Variants in ALPL observed in about 807,000 individuals in gnomAD.
ALPL encodes alkaline phosphatase, biomineralization associated, also known as alkaline phosphatase, tissue-nonspecific isozyme.
In ALPL, 42 loss-of-function variants were observed where a neutral mutation model predicts 51.3. The observed-to-expected ratio is 0.82, with a 90% CI of 0.64 to 1.06. The LOEUF (loss-of-function observed/expected upper bound fraction) is 1.06, where lower values mean the gene tolerates loss of function less well. Among genes scored for constraint, ALPL ranks in the 50% least tolerant of loss-of-function variants. The pLI is 0.00. For missense variants in ALPL, 589 were observed against 709.4 expected, an observed-to-expected ratio of 0.83 and a Z score of 1.93; for synonymous variants, 279 against 296.4, an observed-to-expected ratio of 0.94 and a Z score of 0.60.
chr1:21,573,620 G>C (rs1465410699), intron 8 of ALPL, 45 bp from the exon 9 acceptor site: 1 of 1,609,952 alleles, frequency 6.2e-7, no homozygotes, highest in African/African-American at 1.3e-5. Context: ...CTCCTAGCCG[G>C]GTCACAGCCT....
rs751234853 is a variant in ALPL at position 21,554,903 on chromosome 1, CTT to C, written c.61+763_61+764del. Among the ~76,000 whole-genome samples, 129 of 112,044 alleles carry C rather than the reference CTT, an allele frequency of 1.2e-3. 2 individuals carry two copies. Among genetic ancestry groups the C allele is most frequent in the African/African-American group, 3.6e-3 (100 of 27,872 alleles). The allele number at this position is 112,044 out of a possible 152,430, so 73.5% of individuals were successfully genotyped here. A position where few individuals can be genotyped will look rare whatever the true frequency, so the allele number is the denominator to read the frequency against. On this transcript the variant is annotated intron_variant, in intron 2 of 11. Coordinates refer to ENST00000374840, the MANE Select transcript of ALPL (RefSeq NM_000478.6). ...TTTCTTTCTTTTTCTTTCTTTCTTT[CTT>C]TCTCTTTTCTTTCTTTCTTTCTTTC...
rs904437046 is a variant in ALPL at position 21,570,446 on chromosome 1, C to T, written c.862+72C>T. 20 of 1,513,392 alleles carry T rather than the reference C, an allele frequency of 1.3e-5. No individual in the cohort carries two copies. The Admixed American group carries it at 3.3e-4, about 25-fold the overall frequency. 93.7% of individuals were successfully genotyped at this position (1,513,392 alleles called of 1,614,324 possible). A position where few individuals can be genotyped will look rare whatever the true frequency, so the allele number is the denominator to read the frequency against. On this transcript the variant is annotated intron_variant, in intron 8 of 11. Coordinates refer to ENST00000374840, the MANE Select transcript of ALPL (RefSeq NM_000478.6). ...GGCCGGAGCTGCGTGTGGCCAGCAC[C>T]TGGGGACAAGGCCCTAGCCTGACGC... is the stretch of plus-strand genomic sequence containing the variant.
At chr1:21,533,591 A>G (rs1453542069) in intron 1 of ALPL, among the ~76,000 whole-genome samples, 1 of 152,130 alleles carries the variant, frequency 6.6e-6, no homozygotes, top group African/African-American at 2.4e-5. Flanking sequence ...ACTTCCCACA[A>G]GACCAAGGTC....
chr1:21,576,171 C>A (rs1558557674), intron 10 of ALPL, among the ~76,000 whole-genome samples: 1 of 149,634 alleles, frequency 6.7e-6, no homozygotes, highest in Non-Finnish European at 1.5e-5. Flanking sequence ...TGGGCGAGAA[C>A]GTGGATAGAT....
chr1:21,555,760 A>C (rs1041081529), intron 2 of ALPL, among the ~76,000 whole-genome samples: 1 of 151,002 alleles, frequency 6.6e-6, no homozygotes, highest in Non-Finnish European at 1.5e-5. Flanking sequence ...ACTCATCTTC[A>C]ACAGGAGTTT....
At chr1:21,572,633 T>G (rs1054820431) in intron 8 of ALPL, among the ~76,000 whole-genome samples, 1 of 152,052 alleles carries the variant, frequency 6.6e-6, no homozygotes, top group Admixed American at 6.5e-5. Context: ...TGGCACCAAG[T>G]GAACCCTGTG....
intron 1 of ALPL, among the ~76,000 whole-genome samples, chr1:21,543,899 GCCTTGGAGGGTGT>G: frequency 6.6e-6 from 1 of 152,320 alleles, no homozygotes; most frequent in Admixed American, 6.5e-5. Context: ...GCTTGGTAGA[GCCTTGGAGGGTGT>G]CCTTGGAGCA....
Position 21,544,930 on chromosome 1 carries a change from A to G in ALPL, c.-104-9048A>G, listed in dbSNP as rs555488289. Among the ~76,000 whole-genome samples the G allele has an allele frequency of 2.0e-5, 3 of 152,146 alleles. No individual in the cohort carries two copies. In the East Asian group the frequency reaches 5.8e-4, roughly 29 times the overall value. ...TTTGTTTTTTTTTCTTGTAAACAGG[A>G]CATTCCAACATTAAAAAAAATACCC... On this transcript the variant is annotated intron_variant, in intron 1 of 11. Coordinates refer to ENST00000374840, the MANE Select transcript of ALPL (RefSeq NM_000478.6).
At chr1:21,548,113 G>T (rs1644275741) in intron 1 of ALPL, among the ~76,000 whole-genome samples, 1 of 152,218 alleles carries the variant, frequency 6.6e-6, no homozygotes, top group African/African-American at 2.4e-5. Context: ...AAGGGAGGGA[G>T]GGGGTGGCGA....
intron 1 of ALPL, among the ~76,000 whole-genome samples, chr1:21,511,094 G>C (rs888740546): frequency 6.6e-6 from 1 of 152,218 alleles, no homozygotes; most frequent in African/African-American, 2.4e-5. Context: ...AGCATCCGCC[G>C]TGTGCCAAGC....
Position 21,564,175 on chromosome 1 carries a change from G to A in ALPL, c.607G>A (p.Asp203Asn), listed in dbSNP as rs988404975. The A allele has an allele frequency of 6.2e-7, 1 of 1,613,934 alleles. No individual in the cohort carries two copies. Among genetic ancestry groups the A allele is most frequent in the Non-Finnish European group, 8.5e-7 (1 of 1,180,012 alleles). ...PPEALSQGCK[D>N]IAYQLMHNIR... is the part of the protein sequence containing the mutation. ...TGAGGCCTTGAGCCAGGGCTGTAAG[G>A]ACATCGCCTACCAGCTCATGCATAA... Residue 203 changes from aspartate to asparagine, a missense_variant, in exon 6 of 12, where the codon GAC becomes AAC. Asp to Asn is a conservative substitution (Grantham distance 23, BLOSUM62 1). Transcript: ENST00000374840. This position sits in a 1 kb window ranked among gnomAD's most constrained non-coding sequence, Gnocchi z 5.8.
At chr1:21,558,828 G>A (rs1409946425) in intron 2 of ALPL, among the ~76,000 whole-genome samples, 1 of 152,176 alleles carries the variant, frequency 6.6e-6, no homozygotes, top group East Asian at 1.9e-4. Context: ...GCGGCTCCTC[G>A]CCTGTGCTCT....
chr1:21,563,884 C>G (rs1369854102), intron 5 of ALPL, among the ~76,000 whole-genome samples, 157 bp from the exon 6 acceptor site: 1 of 151,336 alleles, frequency 6.6e-6, no homozygotes, highest in African/African-American at 2.4e-5. Context: ...AAGCCACTGC[C>G]AGACACCTGC....
At position 21,568,123 on chromosome 1, in the gene ALPL, G is replaced by T; in HGVS notation, c.668G>T (p.Arg223Leu). 3 of 1,614,042 alleles carry T rather than the reference G, an allele frequency of 1.9e-6. No individual in the cohort carries two copies. The highest frequency in any genetic ancestry group is 2.5e-6 in the Non-Finnish European group (3 of 1,180,032). ...RDIDVIMGGG[R>L]KYMYPKNKTD... ...TTTTAGGTGATCATGGGGGGTGGCC[G>T]GAAATACATGTACCCCAAGAATAAA... Residue 223 changes from arginine to leucine, a missense_variant, in exon 7 of 12, where the codon CGG becomes CTG. Physicochemically the swap from Arg to Leu is moderately radical, Grantham distance 102. Coordinates refer to ENST00000374840, the MANE Select transcript of ALPL (RefSeq NM_000478.6).
intron 1 of ALPL, among the ~76,000 whole-genome samples, chr1:21,536,388 G>A (rs1192846896): frequency 6.6e-6 from 1 of 152,226 alleles, no homozygotes; most frequent in Non-Finnish European, 1.5e-5. Flanking sequence ...AACTGGCTGA[G>A]CTGCAGTTCT....
At chr1:21,559,223 C>A (rs1279545153) in intron 2 of ALPL, among the ~76,000 whole-genome samples, 1 of 152,202 alleles carries the variant, frequency 6.6e-6, no homozygotes, top group Non-Finnish European at 1.5e-5. Context: ...CGCTAGGGAG[C>A]CTCCTCTCTA....
intron 4 of ALPL, among the ~76,000 whole-genome samples, chr1:21,562,908 G>C (rs989609031): frequency 6.6e-6 from 1 of 152,242 alleles, no homozygotes; most frequent in Non-Finnish European, 1.5e-5. Context: ...AGTGCTGCCA[G>C]GGTGCAGGGA....
chr1:21,558,541 C>T (rs1372009866), intron 2 of ALPL, among the ~76,000 whole-genome samples: 3 of 152,240 alleles, frequency 2.0e-5, no homozygotes, highest in Non-Finnish European at 4.4e-5. Flanking sequence ...TGGATAGCTA[C>T]GGGTGTCCCA....
intron 6 of ALPL, among the ~76,000 whole-genome samples, chr1:21,567,825 C>T (rs1290985208): frequency 1.3e-5 from 2 of 152,176 alleles, no homozygotes; most frequent in Non-Finnish European, 2.9e-5. Flanking sequence ...GATTCTTATT[C>T]GAGTGGGAGT....
Sources: gnomAD v4.1 joint callset for allele counts (sites outside exome capture counted in the v4.1 genomes callset) on GRCh38, gnomAD v4.1.1 for gene constraint, Gnocchi (gnomAD v3.1) non-coding constraint, MANE v1.5 for transcripts, NCBI Gene and HGNC (gene_info 2026-07-23, HGNC 2026-07-21) for gene names.